MARCHF1: variants seen among roughly 807,000 people sequenced by gnomAD.
MARCHF1 encodes membrane associated ring-CH-type finger 1.
A neutral mutation model predicts 54.2 loss-of-function variants in MARCHF1; 40 were observed. The observed-to-expected ratio is 0.74, with a 90% CI of 0.57 to 0.96. The LOEUF (loss-of-function observed/expected upper bound fraction) is 0.96, where lower values mean the gene tolerates loss of function less well. Ranked by LOEUF, MARCHF1 falls within the 40% of genes least tolerant of loss-of-function variation. MARCHF1 has a pLI of 0.00. For synonymous variants in MARCHF1, 236 were observed against 236.3 expected, an observed-to-expected ratio of 1.00 and a Z score of 0.01; for missense variants, 586 against 656.5, an observed-to-expected ratio of 0.89 and a Z score of 1.17.
Position 163,854,046 on chromosome 4 carries a change from G to T in MARCHF1, c.86C>A (p.Ala29Asp), listed in dbSNP as rs201095700. 154 of 1,536,706 alleles carry T rather than the reference G, an allele frequency of 1.0e-4. 2 individuals carry two copies. The highest frequency in any genetic ancestry group is 5.7e-4 in the South Asian group (48 of 84,052). ...CAATGTGGAGGTTTGTGAGGCGTCA[G>T]CCAAATCCCCTGAGATCTCGGGTGT... ...TRTPEISGDL[A>D]DASQTSTLNE... The change falls in exon 4 of 10, where the codon GCT becomes GAT. Residue 29 changes from alanine to aspartate, a missense_variant. Ala to Asp is a moderately radical substitution (Grantham distance 126). Coordinates refer to ENST00000514618, the MANE Select transcript of MARCHF1 (RefSeq NM_001394959.1).
intron 3 of MARCHF1, among the ~76,000 whole-genome samples, chr4:163,959,331 A>AAC (rs1491375021): frequency 6.1e-5 from 4 of 65,160 alleles, no homozygotes; most frequent in Admixed American, 1.3e-4. Context: ...CAACAACAAC[A>AAC]AAAAAAAAAA....
intron 2 of MARCHF1, among the ~76,000 whole-genome samples, chr4:164,053,833 G>C (rs1754424816): frequency 6.6e-6 from 1 of 152,162 alleles, no homozygotes. Flanking sequence ...ACATTGATCT[G>C]AAACAGTTCT....
rs558602199 is a variant in MARCHF1, at chr4:163,924,963, T to A, written c.-39+63538A>T. Reference sequence around the variant, plus strand: ...CTATGCATACAGGAATAAAATAACATCAGAGTGGCTTTTCTCATGAGCAAA... The same window carrying A: ...CTATGCATACAGGAATAAAATAACAACAGAGTGGCTTTTCTCATGAGCAAA... On this transcript the variant is annotated intron_variant, in intron 3 of 9. Transcript: ENST00000514618. Among the ~76,000 whole-genome samples, 5 of 151,920 alleles carry A rather than the reference T, an allele frequency of 3.3e-5. No homozygotes were observed. In the East Asian group the frequency reaches 7.7e-4, roughly 23 times the overall value.
intron 1 of MARCHF1, among the ~76,000 whole-genome samples, chr4:164,348,130 G>C (rs75567105): frequency 0.016 from 2,501 of 152,168 alleles, 79 homozygotes; most frequent in African/African-American, 0.058. Context: ...ATGAAAAAGA[G>C]AGAGATAAAA....
intron 1 of MARCHF1, among the ~76,000 whole-genome samples, chr4:164,366,597 A>G (rs968111303): frequency 1.9e-4 from 29 of 151,944 alleles, no homozygotes; most frequent in Non-Finnish European, 3.4e-4. Context: ...TGATTGAAAA[A>G]TATTAAATAT....
chr4:163,704,795 A>G (rs1441332651), intron 4 of MARCHF1, among the ~76,000 whole-genome samples: 1 of 151,804 alleles, frequency 6.6e-6, no homozygotes, highest in Non-Finnish European at 1.5e-5. Flanking sequence ...GAACGTAATA[A>G]AAGAAACATA....
At chr4:163,913,998 T>C (rs55719130) in intron 3 of MARCHF1, among the ~76,000 whole-genome samples, 9 of 85,788 alleles carry the variant, frequency 1.0e-4, no homozygotes, top group African/African-American at 3.3e-4. Flanking sequence ...TCTATTCTTT[T>C]TTTTTTTTCT....
intron 2 of MARCHF1, among the ~76,000 whole-genome samples, chr4:164,108,947 T>C (rs1755769662): frequency 6.6e-6 from 1 of 152,026 alleles, no homozygotes; most frequent in African/African-American, 2.4e-5. Context: ...CCAGAGGAAA[T>C]TAGTTCAGCT....
At position 164,061,992 on chromosome 4, in the gene MARCHF1, G is replaced by C. The variant is rs527657354; in HGVS notation, c.-248+49596C>G. Among the ~76,000 whole-genome samples, 7 of 152,250 alleles carry C rather than the reference G, an allele frequency of 4.6e-5. No homozygotes were observed. The East Asian group carries it at 1.4e-3, about 29-fold the overall frequency. Reference sequence around the variant, plus strand: ...AAAGATTATTCTGTAGTATGTGTTTGATAGAATTTTACCCACAGAAGTTCT... The same window carrying C: ...AAAGATTATTCTGTAGTATGTGTTTCATAGAATTTTACCCACAGAAGTTCT... On this transcript the variant is annotated intron_variant, in intron 2 of 9. Transcript: ENST00000514618.
At chr4:164,315,764 A>G (rs1207975400) in intron 1 of MARCHF1, among the ~76,000 whole-genome samples, 3 of 152,198 alleles carry the variant, frequency 2.0e-5, no homozygotes, top group African/African-American at 7.2e-5. Flanking sequence ...ATCCCTATGG[A>G]TCATAACTAG....
chr4:164,082,594 T>C (rs551939239), intron 2 of MARCHF1, among the ~76,000 whole-genome samples: 2 of 152,338 alleles, frequency 1.3e-5, no homozygotes, highest in African/African-American at 4.8e-5. Context: ...ATGTTATCTG[T>C]ATTTTAACTT....
chr4:164,004,223 C>T (rs925248144), intron 2 of MARCHF1, among the ~76,000 whole-genome samples: 3 of 145,910 alleles, frequency 2.1e-5, no homozygotes, highest in African/African-American at 7.4e-5. Flanking sequence ...GTTTAGCAAA[C>T]CACCATGGCA....
intron 8 of MARCHF1, chr4:163,585,034 A>C (rs1740362579): frequency 6.6e-6 from 1 of 152,136 alleles, no homozygotes; most frequent in Admixed American, 6.5e-5. Flanking sequence ...TATTGTTTAC[A>C]AGCTGTTCTT....
intron 2 of MARCHF1, among the ~76,000 whole-genome samples, chr4:164,064,796 G>A (rs1296803745): frequency 6.6e-6 from 1 of 152,042 alleles, no homozygotes; most frequent in African/African-American, 2.4e-5. Flanking sequence ...GTCATATATG[G>A]CTCTTATTAT....
chr4:163,534,902 C>T (rs550371509), intron 9 of MARCHF1, among the ~76,000 whole-genome samples: 5 of 152,116 alleles, frequency 3.3e-5, no homozygotes, highest in East Asian at 3.9e-4. Flanking sequence ...TATTCCAATA[C>T]TCTCCAGAAA....
chr4:164,194,064 C>T (rs528013384), intron 1 of MARCHF1, among the ~76,000 whole-genome samples: 2 of 152,200 alleles, frequency 1.3e-5, no homozygotes, highest in South Asian at 2.1e-4. Context: ...AGAATCATCA[C>T]CACATAAAAA....
At chr4:164,298,463 T>C (rs1333820465) in intron 1 of MARCHF1, among the ~76,000 whole-genome samples, 1 of 152,080 alleles carries the variant, frequency 6.6e-6, no homozygotes, top group Non-Finnish European at 1.5e-5. Flanking sequence ...AAGTAACCCA[T>C]TACAACCTAA....
chr4:164,259,497 T>A (rs1454250080), intron 1 of MARCHF1, among the ~76,000 whole-genome samples: 2 of 15,010 alleles, frequency 1.3e-4, no homozygotes. Context: ...TGAGCTGAGA[T>A]CACGGCTACT....
At chr4:163,857,183 A>G (rs563896942) in intron 3 of MARCHF1, among the ~76,000 whole-genome samples, 127 of 150,958 alleles carry the variant, frequency 8.4e-4, no homozygotes, top group Non-Finnish European at 1.5e-3. Context: ...CCCAATAACA[A>G]TATGTTCTTT....
Sources: allele counts gnomAD v4.1 joint callset (sites outside exome capture counted in the v4.1 genomes callset), GRCh38; gene constraint gnomAD v4.1.1; transcripts MANE v1.5; gene names NCBI Gene and HGNC (gene_info 2026-07-23, HGNC 2026-07-21).